CCNI2: variants seen among roughly 807,000 people sequenced by gnomAD.
CCNI2 encodes cyclin I family member 2.
In CCNI2, 32 loss-of-function variants were observed where a neutral mutation model predicts 33.2. The ratio of observed to expected loss-of-function variants is 0.96; its 90% confidence interval spans 0.73 to 1.30. The LOEUF (loss-of-function observed/expected upper bound fraction) is 1.30. CCNI2 is among the 50% of genes most tolerant of loss of function. The pLI, the probability that CCNI2 is intolerant of heterozygous loss-of-function variation, is 0.00. For synonymous variants in CCNI2, 231 were observed against 219.9 expected, an observed-to-expected ratio of 1.05 and a Z score of -0.45; for missense variants, 452 against 486.2, an observed-to-expected ratio of 0.93 and a Z score of 0.66.
chr5:132,749,461 G>A (rs199813230), intron 3 of CCNI2, 39 bp downstream of exon 3: 37 of 1,511,232 alleles, frequency 2.4e-5, no homozygotes. Flanking sequence ...CTGCACTTGA[G>A]GTATAGGGGT....
downstream of CCNI2, among the ~76,000 whole-genome samples, chr5:132,754,982 A>G (rs1201702922): frequency 2.0e-5 from 3 of 152,168 alleles, no homozygotes; most frequent in Non-Finnish European, 4.4e-5. Context: ...AAACTTGTCC[A>G]AACAGTACTT....
chr5:132,751,144 CG>C lies in CCNI2; in HGVS notation c.774+149del. 1.3e-5 allele frequency: 10 copies of C among 783,232 alleles called. 1 individual carries two copies. In the South Asian group the frequency reaches 1.6e-4, roughly 13 times the overall value. The allele number at this position is 783,232 out of a possible 1,614,324, so 48.5% of individuals were successfully genotyped here. A position where few individuals can be genotyped will look rare whatever the true frequency, so the allele number is the denominator to read the frequency against. ...GGTGACGCACAAGGCTCATGACATA[CG>C]GAAGAGTGAAAAGGTATCTTAAATC... On this transcript the variant is annotated intron_variant, in intron 4 of 5. Coordinates refer to ENST00000378731, the MANE Select transcript of CCNI2 (RefSeq NM_001039780.4).
At position 132,747,724 on chromosome 5, in the gene CCNI2, C is replaced by G. The variant is rs1561723883; in HGVS notation, c.229C>G (p.Arg77Gly). The G allele has an allele frequency of 1.3e-6, 2 of 1,482,282 alleles. No individual in the cohort carries two copies. Among genetic ancestry groups the G allele is most frequent in the East Asian group, 5.7e-5 (2 of 34,926 alleles). 91.8% of individuals were successfully genotyped at this position (1,482,282 alleles called of 1,614,324 possible). Residue 77 changes from arginine to glycine, a missense_variant, in exon 1 of 6, where the codon CGG (arginine) becomes GGG (glycine). Transcript: ENST00000378731. This position sits in a 1 kb window ranked among gnomAD's most constrained non-coding sequence, Gnocchi z 4.1. ...CGCGGCGTCCGCAGCAGTCCCCGTG[C>G]GGCCCCGGCGCGGTACGGCGCCAGC... ...LHAASAAVPV[R>G]PRRGTAPAGK...
Position 132,747,941 on chromosome 5 carries a change from C to T in CCNI2, c.429+17C>T, listed in dbSNP as rs971508437. 5.9e-6 allele frequency: 8 copies of T among 1,366,516 alleles called. No homozygotes were observed. The African/African-American group carries it at 6.1e-5, about 10-fold the overall frequency. The allele number at this position is 1,366,516 out of a possible 1,614,324, so 84.6% of individuals were successfully genotyped here. A position where few individuals can be genotyped will look rare whatever the true frequency, so the allele number is the denominator to read the frequency against. ...AAACCCCAGGTACCCGTCGCTGCCGCGTGGCCCTCCTCGCGCGTGCACGGC... is the reference window on the plus strand; with the variant it reads ...AAACCCCAGGTACCCGTCGCTGCCGTGTGGCCCTCCTCGCGCGTGCACGGC... On this transcript the variant is annotated intron_variant, in intron 1 of 5. Coordinates refer to ENST00000378731, the MANE Select transcript of CCNI2 (RefSeq NM_001039780.4). The surrounding 1 kb of genome is among the most constrained non-coding windows in gnomAD (Gnocchi z 4.1).
At chr5:132,755,339 A>G (rs1003615472), downstream of CCNI2, among the ~76,000 whole-genome samples, 1 of 152,118 alleles carries the variant, frequency 6.6e-6, no homozygotes, top group Non-Finnish European at 1.5e-5. Flanking sequence ...TTCTACCTCT[A>G]AAAAACAGTC....
At chr5:132,755,693 C>A (rs1159850490), downstream of CCNI2, among the ~76,000 whole-genome samples, 2 of 152,190 alleles carry the variant, frequency 1.3e-5, no homozygotes, top group Admixed American at 1.3e-4. Context: ...GAGGAACACT[C>A]CTCAAGGGCA....
chr5:132,750,365 CAAGGTTG>C (rs574896759), intron 3 of CCNI2, among the ~76,000 whole-genome samples: 38 of 152,302 alleles, frequency 2.5e-4, no homozygotes, highest in Non-Finnish European at 4.6e-4. Flanking sequence ...CACCTTCAAT[CAAGGTTG>C]AAGGAAATGT....
rs1755013762 is a variant in CCNI2 at position 132,753,204 on chromosome 5, C to T, written c.*234C>T. The T allele has an allele frequency of 4.1e-6, 2 of 493,284 alleles. 1 individual carries two copies. Among genetic ancestry groups the T allele is most frequent in the South Asian group, 7.0e-5 (2 of 28,636 alleles). The allele number at this position is 493,284 out of a possible 1,614,324, so 30.6% of individuals were successfully genotyped here. A position where few individuals can be genotyped will look rare whatever the true frequency, so the allele number is the denominator to read the frequency against. ...TCTGATAGACTATGACCCTGTCTTC[C>T]CTTTTTCTCCTCTGGGCCTGAAGCC... On this transcript the variant is annotated 3_prime_UTR_variant, in exon 6 of 6. Transcript: ENST00000378731.
At position 132,752,879 on chromosome 5, in the gene CCNI2, A is replaced by G. The variant is rs1371504711; in HGVS notation, c.1019A>G (p.Gln340Arg). The G allele has an allele frequency of 1.2e-6, 2 of 1,613,962 alleles. No homozygotes were observed. The highest frequency in any genetic ancestry group is 1.7e-6 in the Non-Finnish European group (2 of 1,179,842). Residue 340 changes from glutamine (Q) to arginine (R), a missense_variant, in exon 6 of 6, where the codon CAG becomes CGG. Gln to Arg is a conservative substitution (Grantham distance 43, BLOSUM62 1). Coordinates refer to ENST00000378731, the MANE Select transcript of CCNI2 (RefSeq NM_001039780.4). ...ATTCTAATACAGGTTGGTGATATGC[A>G]GTACAGCTGCTGCAAGGAACTTGTA... ...LLKKAQVGDM[Q>R]YSCCKELVMQ...
At chr5:132,755,498 C>T (rs1323812075), downstream of CCNI2, among the ~76,000 whole-genome samples, 55 of 152,334 alleles carry the variant, frequency 3.6e-4, no homozygotes, top group African/African-American at 1.3e-3. Flanking sequence ...CTCAACTTCT[C>T]CAGTTACTTG....
chr5:132,750,670 C>A (rs1754772397), intron 3 of CCNI2, 187 bp from the exon 4 acceptor site: 13 of 586,366 alleles, frequency 2.2e-5, no homozygotes, highest in Non-Finnish European at 3.2e-5. Context: ...ATGTTCACTA[C>A]ATAACTACCT....
In CCNI2 at chr5:132,747,454, C is replaced by G; in HGVS notation, c.-42C>G. The G allele has an allele frequency of 7.2e-7, 1 of 1,392,030 alleles. No individual in the cohort carries two copies. The highest frequency in any genetic ancestry group is 9.3e-7 in the Non-Finnish European group (1 of 1,078,394). 86.2% of individuals were successfully genotyped at this position (1,392,030 alleles called of 1,614,324 possible). A position where few individuals can be genotyped will look rare whatever the true frequency, so the allele number is the denominator to read the frequency against. ...GTTCCGGGAGCTGGGTTATAAAATG[C>G]CGGGTTAAGCGGCAACTCAGACTCA... On this transcript the variant is annotated 5_prime_UTR_variant, in exon 1 of 6. Transcript: ENST00000378731. This position sits in a 1 kb window ranked among gnomAD's most constrained non-coding sequence, Gnocchi z 4.1.
In CCNI2 at chr5:132,753,963, T is replaced by TTTG. The variant is rs1366673564; in HGVS notation, c.*995_*996insGTT. 2 of 149,412 alleles carry TTTG rather than the reference T, an allele frequency of 1.3e-5. No individual in the cohort carries two copies. Among genetic ancestry groups the TTTG allele is most frequent in the African/African-American group, 5.0e-5 (2 of 39,912 alleles). 9.3% of individuals were successfully genotyped at this position (149,412 alleles called of 1,614,324 possible). On this transcript the variant is annotated 3_prime_UTR_variant, in exon 6 of 6. Coordinates refer to ENST00000378731, the MANE Select transcript of CCNI2 (RefSeq NM_001039780.4). Reference sequence around the variant, plus strand: ...CTTCCACTGTGAACTATGGTTTTTTTTTTTTTTTTTTTTTTTTGGTGTGTT... The same window carrying TTTG: ...CTTCCACTGTGAACTATGGTTTTTTTTTGTTTTTTTTTTTTTTTTTGGTGTGTT...
At chr5:132,755,495 T>TTCAAGTA (rs1310864758), downstream of CCNI2, among the ~76,000 whole-genome samples, 54 of 152,254 alleles carry the variant, frequency 3.5e-4, no homozygotes, top group African/African-American at 1.3e-3. Flanking sequence ...AATCTCAACT[T>TTCAAGTA]CTCCAGTTAC....
At chr5:132,751,806 A>G (rs897327249) in intron 4 of CCNI2, 160 bp from the exon 5 acceptor site, 8 of 846,346 alleles carry the variant, frequency 9.5e-6, no homozygotes, top group Admixed American at 2.8e-5. Context: ...CAGGATGGGC[A>G]TTAAGCCTCA....
chr5:132,753,121 GA>G lies in CCNI2; in HGVS notation c.*159del. The stretch of plus-strand genomic sequence containing the variant: ...GAAAAAGTTCCCAACTGAGCCCTTG[GA>G]AAAAAAATAAAGGGGAGAGGGGAAA... On this transcript the variant is annotated 3_prime_UTR_variant, in exon 6 of 6. Coordinates refer to ENST00000378731, the MANE Select transcript of CCNI2 (RefSeq NM_001039780.4). 1.7e-5 allele frequency: 11 copies of G among 645,576 alleles called. No homozygotes were observed. The highest frequency in any genetic ancestry group is 3.8e-5 in the South Asian group (2 of 51,966). The allele number at this position is 645,576 out of a possible 1,614,324, so 40.0% of individuals were successfully genotyped here.
Position 132,753,026 on chromosome 5 carries a change from G to C in CCNI2, c.*56G>C, listed in dbSNP as rs767878982. On this transcript the variant is annotated 3_prime_UTR_variant, in exon 6 of 6. Coordinates refer to ENST00000378731, the MANE Select transcript of CCNI2 (RefSeq NM_001039780.4). ...GCATAGTGTGAAACCTCCTTGCTTG[G>C]ACTACCATGAGTTCTTTGGCTTGTT... is the stretch of plus-strand genomic sequence containing the variant. 2 of 1,354,196 alleles carry C rather than the reference G, an allele frequency of 1.5e-6. No individual in the cohort carries two copies. The highest frequency in any genetic ancestry group is 2.1e-6 in the Non-Finnish European group (2 of 946,206). 83.9% of individuals were successfully genotyped at this position (1,354,196 alleles called of 1,614,324 possible).
chr5:132,754,598 A>C, downstream of CCNI2: 1 of 704,918 alleles, frequency 1.4e-6, no homozygotes, highest in Non-Finnish European at 2.6e-6. Context: ...CTTTCTATAA[A>C]TGATAGAACT....
At chr5:132,748,030 C>G (rs554887030) in intron 1 of CCNI2, 106 bp downstream of exon 1, 4 of 1,195,238 alleles carry the variant, frequency 3.3e-6, no homozygotes, top group East Asian at 5.9e-5. Context: ...CCGGGCCCTT[C>G]CCCAGGTGTG....
Sources: allele counts gnomAD v4.1 joint callset (sites outside exome capture counted in the v4.1 genomes callset), GRCh38; gene constraint gnomAD v4.1.1; non-coding constraint Gnocchi (gnomAD v3.1); transcripts MANE v1.5; gene names NCBI Gene and HGNC (gene_info 2026-07-23, HGNC 2026-07-21).